The following MAP4K4 variants were observed in gnomAD, a reference collection of about 807,000 sequenced individuals.
MAP4K4 encodes the protein mitogen-activated protein kinase kinase kinase kinase 4, also known as HPK/GCK-like kinase HGK.
Under a neutral mutation model 189.6 loss-of-function variants are expected in MAP4K4, and 38 were observed. The ratio of observed to expected loss-of-function variants is 0.20; its 90% CI spans 0.15 to 0.26. The LOEUF is 0.26. MAP4K4 is among the 10% of genes least tolerant of loss of function. The pLI, the probability that MAP4K4 is intolerant of heterozygous loss-of-function variation, is 1.00. For synonymous variants in MAP4K4, 610 were observed against 624.3 expected, an observed-to-expected ratio of 0.98 and a Z score of 0.34; for missense variants, 1,054 against 1,726.9, an observed-to-expected ratio of 0.61 and a Z score of 6.91.
chr2:101,730,786 G>T (rs1426324560), intron 2 of MAP4K4, among the ~76,000 whole-genome samples: 1 of 152,120 alleles, frequency 6.6e-6, no homozygotes, highest in Non-Finnish European at 1.5e-5. Flanking sequence ...GGTGGCTCAT[G>T]CCTGTAATCC....
chr2:101,864,943 C>A (rs1294122098), exon 18 of MAP4K4: 17 of 1,570,336 alleles, frequency 1.1e-5, no homozygotes, highest in Non-Finnish European at 1.5e-5. Flanking sequence ...CCTGTGAGAA[C>A]AACATCTCGC....
chr2:101,743,937 T>G (rs988174991), intron 2 of MAP4K4, among the ~76,000 whole-genome samples: 2 of 152,172 alleles, frequency 1.3e-5, no homozygotes, highest in Non-Finnish European at 2.9e-5. Flanking sequence ...TGATTACAGG[T>G]GTGAGCCACC....
intron 2 of MAP4K4, among the ~76,000 whole-genome samples, chr2:101,700,403 T>C (rs1436291509): frequency 1.3e-5 from 2 of 152,246 alleles, no homozygotes; most frequent in Non-Finnish European, 2.9e-5. Context: ...CACAGCTCTC[T>C]GACTACAAAG....
chr2:101,836,634 C>T (rs906530043), intron 9 of MAP4K4, among the ~76,000 whole-genome samples: 41 of 152,000 alleles, frequency 2.7e-4, no homozygotes, highest in African/African-American at 8.7e-4. Flanking sequence ...TGCATTTCCT[C>T]ACATGTAGTA....
chr2:101,857,711 C>T (rs1576881907), intron 13 of MAP4K4, among the ~76,000 whole-genome samples: 1 of 152,144 alleles, frequency 6.6e-6, no homozygotes, highest in Admixed American at 6.5e-5. Context: ...TCCGCCCCAC[C>T]CCTCTGCCCA....
intron 3 of MAP4K4, among the ~76,000 whole-genome samples, chr2:101,796,979 C>T (rs1251215661): frequency 6.6e-6 from 1 of 152,204 alleles, no homozygotes; most frequent in African/African-American, 2.4e-5. Flanking sequence ...TTCTGATGGA[C>T]AGATTTTTGA....
At position 101,885,037 on chromosome 2, in the gene MAP4K4, G is replaced by T. The variant is rs1330707227; in HGVS notation, c.3521-150G>T. 1.5e-5 allele frequency: 7 copies of T among 482,554 alleles called. No individual in the cohort carries two copies. The Admixed American group carries it at 2.5e-4, about 17-fold the overall frequency. 29.9% of individuals were successfully genotyped at this position (482,554 alleles called of 1,614,324 possible). A position where few individuals can be genotyped will look rare whatever the true frequency, so the allele number is the denominator to read the frequency against. ...GCTGGAAAAGGAAACTGTGAGGTGT[G>T]ATCTCTCTCTCTGAATTTTTCCCCT... On this transcript the variant is annotated intron_variant, in intron 28 of 32. Transcript: ENST00000324219.
intron 2 of MAP4K4, among the ~76,000 whole-genome samples, chr2:101,730,258 A>G (rs1325699029): frequency 6.6e-6 from 1 of 151,810 alleles, no homozygotes; most frequent in Non-Finnish European, 1.5e-5. Flanking sequence ...GATTATATTC[A>G]TGATTTAAAA....
chr2:101,764,363 AAC>A (rs1300941425), intron 2 of MAP4K4, among the ~76,000 whole-genome samples: 1 of 152,256 alleles, frequency 6.6e-6, no homozygotes. Context: ...CTTGGAATTT[AAC>A]CTTAGTTTTG....
exon 30 of MAP4K4, chr2:101,887,107 A>G: frequency 1.3e-6 from 2 of 1,592,724 alleles, no homozygotes; most frequent in South Asian, 1.1e-5. Flanking sequence ...GAATTGGTAC[A>G]TAAGCCATTA....
chr2:101,848,864 G>A (rs1024908689), intron 12 of MAP4K4, among the ~76,000 whole-genome samples: 16 of 152,074 alleles, frequency 1.1e-4, no homozygotes, highest in African/African-American at 3.1e-4. Context: ...TTTGTCTCCC[G>A]GTTTTGCTGA....
chr2:101,888,738 A>T (rs2098523799), intron 31 of MAP4K4, 58 bp from the exon 32 acceptor site: 2 of 1,339,708 alleles, frequency 1.5e-6, no homozygotes, highest in African/African-American at 1.5e-5. Flanking sequence ...AGTAAGCAAC[A>T]TCTTTTCAGG....
At chr2:101,885,675 C>T (rs1424266444) in intron 29 of MAP4K4, among the ~76,000 whole-genome samples, 4 of 152,132 alleles carry the variant, frequency 2.6e-5, no homozygotes, top group African/African-American at 9.7e-5. Flanking sequence ...TATATCTGTT[C>T]ATAAAATACT....
intron 12 of MAP4K4, among the ~76,000 whole-genome samples, chr2:101,846,841 C>G (rs142913243): frequency 1.1e-4 from 16 of 152,280 alleles, no homozygotes; most frequent in African/African-American, 3.6e-4. Flanking sequence ...CTGCTTGTTA[C>G]TAGCCTGGGT....
intron 23 of MAP4K4, 181 bp downstream of exon 23, chr2:101,870,596 G>A (rs1418178152): frequency 5.8e-6 from 4 of 694,924 alleles, no homozygotes; most frequent in Non-Finnish European, 7.0e-6. Flanking sequence ...TGCCCAGAAG[G>A]TAGCGAGTAG....
At chr2:101,829,482 C>G (rs938198943) in intron 5 of MAP4K4, 22 bp from the exon 6 acceptor site, 1 of 1,552,686 alleles carries the variant, frequency 6.4e-7, no homozygotes, top group East Asian at 2.3e-5. Flanking sequence ...AACTAAAATT[C>G]AGGTCTGTCT....
chr2:101,743,391 G>T (rs747347706), intron 2 of MAP4K4, among the ~76,000 whole-genome samples: 3 of 152,156 alleles, frequency 2.0e-5, no homozygotes, highest in Non-Finnish European at 4.4e-5. Flanking sequence ...TAATAAGGAA[G>T]AGCGTTGATT....
chr2:101,698,171 G>GGGCAGCCGGCAGCC (rs572189095), intron 1 of MAP4K4, 34 bp downstream of exon 1: 59 of 959,414 alleles, frequency 6.1e-5, no homozygotes, highest in East Asian at 8.3e-5. Flanking sequence ...CGCGGGGAGC[G>GGGCAGCCGGCAGCC]GGCAGCCGGC....
At chr2:101,798,490 A>T (rs1271864242) in intron 3 of MAP4K4, among the ~76,000 whole-genome samples, 1 of 152,226 alleles carries the variant, frequency 6.6e-6, no homozygotes, top group African/African-American at 2.4e-5. Context: ...TACATTTTTC[A>T]TGTTGAAAAG....
Sources: allele counts gnomAD v4.1 joint callset (sites outside exome capture counted in the v4.1 genomes callset), GRCh38; gene constraint gnomAD v4.1.1; transcripts MANE v1.5; gene names NCBI Gene and HGNC (gene_info 2026-07-23, HGNC 2026-07-21).